EXT2: variants seen among roughly 807,000 people sequenced by gnomAD.
EXT2 encodes exostosin-2.
Under a neutral mutation model 81.6 loss-of-function variants are expected in EXT2, and 53 were observed. The observed-to-expected ratio is 0.65, with a 90% CI of 0.52 to 0.82. The LOEUF is 0.82. Ranked by LOEUF, EXT2 falls within the 40% of genes least tolerant of loss-of-function variation. The pLI, the probability that EXT2 is intolerant of heterozygous loss-of-function variation, is 0.00. For missense variants in EXT2, 774 were observed against 910.2 expected (o/e 0.85, Z 1.93); for synonymous variants, 320 against 340.0 (o/e 0.94, Z 0.65).
intron 7 of EXT2, among the ~76,000 whole-genome samples, chr11:44,135,173 G>A (rs977162550): frequency 6.6e-6 from 1 of 152,178 alleles, no homozygotes; most frequent in African/African-American, 2.4e-5. Context: ...GTAAATGTGT[G>A]CATACACCGA....
At chr11:44,101,756 T>C (rs1953985664) in intron 1 of EXT2, among the ~76,000 whole-genome samples, 1 of 152,096 alleles carries the variant, frequency 6.6e-6, no homozygotes, top group African/African-American at 2.4e-5. Flanking sequence ...ATGAGGATGA[T>C]AGGATTCTGA....
At chr11:44,157,812 AGC>A in intron 7 of EXT2, among the ~76,000 whole-genome samples, 1 of 152,140 alleles carries the variant, frequency 6.6e-6, no homozygotes. Context: ...TGGCCACCAC[AGC>A]TGTGAATGTG....
In EXT2 at chr11:44,227,314, A is replaced by G. The variant is rs145186227; in HGVS notation, c.1663-5039A>G. Among the ~76,000 whole-genome samples the G allele has an allele frequency of 7.2e-3, 1,104 of 152,352 alleles. 13 individuals carry two copies. Among genetic ancestry groups the G allele is most frequent in the African/African-American group, 0.024 (1,016 of 41,586 alleles). On this transcript the variant is annotated intron_variant, in intron 10 of 13. Transcript: ENST00000533608. ...TGTATGGCATTTTAAACAAAGTTAG[A>G]TAATGCAGCCCATGCTGTTTAGAAA... is the stretch of plus-strand genomic sequence containing the variant.
intron 12 of EXT2, among the ~76,000 whole-genome samples, chr11:44,235,110 C>T (rs1016197259): frequency 2.0e-5 from 3 of 152,046 alleles, no homozygotes; most frequent in African/African-American, 7.2e-5. Flanking sequence ...TGCCCCAGTT[C>T]ACACCCTGTC....
chr11:44,099,877 T>G lies in EXT2; in HGVS notation c.-31+4025T>G, dbSNP rs573381077. On this transcript the variant is annotated intron_variant, in intron 1 of 13. Coordinates refer to ENST00000533608, the MANE Select transcript of EXT2 (RefSeq NM_207122.2). ...TTCTCATTCTTTCCCTCTCATTTCT[T>G]CTATTGTTTATTCCACCTCAAGTGC... Among the ~76,000 whole-genome samples, 104 of 152,300 alleles carry G rather than the reference T, an allele frequency of 6.8e-4. 1 individual carries two copies. Among genetic ancestry groups the G allele is most frequent in the African/African-American group, 2.3e-3 (94 of 41,548 alleles).
chr11:44,207,880 A>G (rs1202841097), intron 10 of EXT2, among the ~76,000 whole-genome samples: 1 of 152,186 alleles, frequency 6.6e-6, no homozygotes, highest in African/African-American at 2.4e-5. Flanking sequence ...CACTATCGCC[A>G]CCACTAAAAA....
At chr11:44,105,675 C>G (rs1228696966) in intron 1 of EXT2, among the ~76,000 whole-genome samples, 2 of 152,172 alleles carry the variant, frequency 1.3e-5, no homozygotes, top group African/African-American at 4.8e-5. Flanking sequence ...GCAGATGATG[C>G]AGCCACACTC....
chr11:44,143,810 C>T (rs112835878), intron 7 of EXT2, among the ~76,000 whole-genome samples: 8 of 152,192 alleles, frequency 5.3e-5, no homozygotes, highest in African/African-American at 1.7e-4. Context: ...TGCTACCTGA[C>T]TGCTGAGTTA....
intron 7 of EXT2, among the ~76,000 whole-genome samples, chr11:44,133,448 G>A (rs959215918): frequency 5.9e-5 from 9 of 152,176 alleles, no homozygotes; most frequent in Admixed American, 6.5e-5. Flanking sequence ...GTATCAGAAT[G>A]AACTGAGGGT....
rs151092026 is a variant in EXT2 at position 44,246,965 on chromosome 11, C to T, written c.*2678C>T. 1.7e-3 allele frequency among the ~76,000 whole-genome samples: 255 copies of T among 152,348 alleles called. 3 individuals are homozygous for T. The highest frequency in any genetic ancestry group is 5.9e-3 in the African/African-American group (245 of 41,576). On this transcript the variant is annotated 3_prime_UTR_variant, in exon 14 of 14. Transcript: ENST00000533608. Reference sequence around the variant, plus strand: ...ACATCTTACTGGCCTATAGAGAAGACGAACTTGAACTGGCCCTGGCCCAAG... The same window carrying T: ...ACATCTTACTGGCCTATAGAGAAGATGAACTTGAACTGGCCCTGGCCCAAG...
chr11:44,188,443 CA>C (rs1347734903), intron 8 of EXT2, among the ~76,000 whole-genome samples: 1 of 152,082 alleles, frequency 6.6e-6, no homozygotes, highest in East Asian at 1.9e-4. Context: ...ACTGCAATCA[CA>C]AGCCACCCCC....
At chr11:44,095,909 C>T (rs1953887517) in intron 1 of EXT2, 57 bp downstream of exon 1, 1 of 270,874 alleles carries the variant, frequency 3.7e-6, no homozygotes, top group South Asian at 4.2e-5. Flanking sequence ...GGGCTCGGGC[C>T]TCCGGGGGCC....
intron 7 of EXT2, 106 bp downstream of exon 7, chr11:44,130,244 C>T: frequency 1.2e-6 from 1 of 834,356 alleles, no homozygotes; most frequent in Middle Eastern, 2.2e-4. Flanking sequence ...TTTACTTCCT[C>T]CACTAGATCA....
intron 8 of EXT2, among the ~76,000 whole-genome samples, chr11:44,193,794 C>T (rs1199452977): frequency 3.3e-5 from 5 of 152,214 alleles, no homozygotes; most frequent in African/African-American, 9.6e-5. Flanking sequence ...CCATACCCCC[C>T]ATGCTGCCTT....
chr11:44,191,867 G>A (rs1056997555), intron 8 of EXT2, among the ~76,000 whole-genome samples: 1 of 152,128 alleles, frequency 6.6e-6, no homozygotes, highest in Non-Finnish European at 1.5e-5. Context: ...TTATGCTTGA[G>A]GAAGGGAAAA....
At chr11:44,206,682 G>A (rs1396945802) in intron 9 of EXT2, 111 bp from the exon 10 acceptor site, 18 of 1,122,962 alleles carry the variant, frequency 1.6e-5, no homozygotes, top group Non-Finnish European at 2.0e-5. Flanking sequence ...GATTTGATGA[G>A]AGCCGTGGAT....
chr11:44,109,050 T>A, intron 2 of EXT2, 144 bp from the exon 3 acceptor site: 1 of 758,494 alleles, frequency 1.3e-6, no homozygotes, highest in Non-Finnish European at 2.3e-6. Flanking sequence ...GATGTGCTGT[T>A]GGGATTTCCA....
At chr11:44,183,702 T>TC (rs563854894) in intron 8 of EXT2, among the ~76,000 whole-genome samples, 487 of 152,322 alleles carry the variant, frequency 3.2e-3, no homozygotes, top group Middle Eastern at 6.8e-3. Flanking sequence ...CCTATTTTCT[T>TC]CATCTTTGAC....
At chr11:44,215,345 A>G (rs1955705061) in intron 10 of EXT2, among the ~76,000 whole-genome samples, 1 of 152,080 alleles carries the variant, frequency 6.6e-6, no homozygotes, top group Admixed American at 6.5e-5. Context: ...TTTCCATTGT[A>G]TTATCTTCTT....
Sources: gnomAD v4.1 joint callset for allele counts (sites outside exome capture counted in the v4.1 genomes callset) on GRCh38, gnomAD v4.1.1 for gene constraint, MANE v1.5 for transcripts, NCBI Gene and HGNC (gene_info 2026-07-23, HGNC 2026-07-21) for gene names.